The following NSMCE2 variants were observed in gnomAD, a reference collection of about 807,000 sequenced individuals.
NSMCE2 encodes NSE2 SUMO ligase component of SMC5/6 complex.
A neutral mutation model predicts 23.8 loss-of-function variants in NSMCE2; 24 were observed. The observed-to-expected ratio is 1.01, with a 90% CI of 0.73 to 1.42. The LOEUF is 1.42. Ranked by LOEUF, NSMCE2 falls within the 40% of genes most tolerant of loss-of-function variation. The pLI is 0.00. For missense variants in NSMCE2, 284 were observed against 296.5 expected (o/e 0.96, Z 0.31); for synonymous variants, 92 against 94.1 (o/e 0.98, Z 0.13).
At chr8:125,182,532 G>A (rs1471688351) in intron 5 of NSMCE2, 1 of 456,760 alleles carries the variant, frequency 2.2e-6, no homozygotes, top group Non-Finnish European at 3.8e-6. Context: ...GAGGGAAATT[G>A]GGAAAACAAA....
intron 5 of NSMCE2, among the ~76,000 whole-genome samples, chr8:125,251,975 C>T (rs184222384): frequency 4.6e-5 from 7 of 152,268 alleles, no homozygotes; most frequent in Admixed American, 3.9e-4. Flanking sequence ...GAGATTTACA[C>T]AATATCACTT....
intron 5 of NSMCE2, among the ~76,000 whole-genome samples, chr8:125,209,190 C>T (rs538796241): frequency 1.3e-5 from 2 of 152,188 alleles, no homozygotes; most frequent in African/African-American, 2.4e-5. Context: ...GGGAAATGCA[C>T]ATTTTGTTTT....
intron 1 of NSMCE2, among the ~76,000 whole-genome samples, chr8:125,092,797 G>C (rs1177901588): frequency 6.6e-6 from 1 of 152,204 alleles, no homozygotes; most frequent in African/African-American, 2.4e-5. Context: ...AAAAAGATCA[G>C]TGTTATTACC....
chr8:125,312,820 T>C (rs1473057339), intron 5 of NSMCE2, among the ~76,000 whole-genome samples: 1 of 151,790 alleles, frequency 6.6e-6, no homozygotes, highest in Non-Finnish European at 1.5e-5. Flanking sequence ...GTGGCTAGTG[T>C]GATAAAGAGT....
rs1013630315 is a variant in NSMCE2 at position 125,270,191 on chromosome 8, G to T, written c.419-87028G>T. 5.9e-5 allele frequency among the ~76,000 whole-genome samples: 9 copies of T among 152,324 alleles called. No homozygotes were observed. In the South Asian group the frequency reaches 6.2e-4, roughly 11 times the overall value. On this transcript the variant is annotated intron_variant, in intron 5 of 7. Transcript: ENST00000287437. ...TTACTAAAGAATCTGAAAGGTCCAG[G>T]TGCGGTGACTCATGCCTGTAATCCC... is the stretch of plus-strand genomic sequence containing the variant.
chr8:125,132,874 A>G (rs1819844020), intron 3 of NSMCE2, among the ~76,000 whole-genome samples: 1 of 152,212 alleles, frequency 6.6e-6, no homozygotes, highest in Admixed American at 6.5e-5. Flanking sequence ...AAGTACAGTA[A>G]CATAGAACAT....
At chr8:125,179,127 T>C (rs1365517074) in intron 4 of NSMCE2, among the ~76,000 whole-genome samples, 2 of 152,328 alleles carry the variant, frequency 1.3e-5, no homozygotes, top group African/African-American at 2.4e-5. Flanking sequence ...TAAATTAATA[T>C]ACCTAGTATC....
intron 5 of NSMCE2, among the ~76,000 whole-genome samples, chr8:125,240,368 C>G (rs1042016929): frequency 2.0e-5 from 3 of 152,164 alleles, no homozygotes; most frequent in Non-Finnish European, 4.4e-5. Flanking sequence ...CGTGATCAGC[C>G]CGCCTTGGCC....
intron 5 of NSMCE2, 22 bp from the exon 6 acceptor site, chr8:125,357,197 T>C: frequency 1.4e-6 from 2 of 1,468,922 alleles, no homozygotes; most frequent in Non-Finnish European, 9.5e-7. Flanking sequence ...GAGAGGCTTA[T>C]CAACTCTCCA....
At chr8:125,092,539 G>T (rs186324710) in intron 1 of NSMCE2, among the ~76,000 whole-genome samples, 1 of 152,356 alleles carries the variant, frequency 6.6e-6, no homozygotes, top group East Asian at 1.9e-4. Flanking sequence ...GGAGTGTGTT[G>T]TGTACATGTG....
chr8:125,234,028 A>C (rs1482387350), intron 5 of NSMCE2, among the ~76,000 whole-genome samples: 2 of 150,944 alleles, frequency 1.3e-5, no homozygotes, highest in African/African-American at 4.9e-5. Flanking sequence ...AAAAAAAAAA[A>C]AAAAAATACA....
chr8:125,169,692 A>C (rs567702394), intron 4 of NSMCE2, among the ~76,000 whole-genome samples: 1 of 151,914 alleles, frequency 6.6e-6, no homozygotes, highest in Admixed American at 6.5e-5. Flanking sequence ...TATATTTCTT[A>C]TCTGGTAGCC....
At position 125,135,607 on chromosome 8, in the gene NSMCE2, CT is replaced by C. The variant is rs577495240; in HGVS notation, c.158-15554del. 2.5e-3 allele frequency among the ~76,000 whole-genome samples: 380 copies of C among 149,588 alleles called. 2 individuals are homozygous for C. The highest frequency in any genetic ancestry group is 3.5e-3 in the Middle Eastern group (1 of 288). On this transcript the variant is annotated intron_variant, in intron 3 of 7. Coordinates refer to ENST00000287437, the MANE Select transcript of NSMCE2 (RefSeq NM_173685.4). Reference sequence around the variant, plus strand: ...TAGATCAAAGTTCAGTATTTTCCTTCTTTTTTTTTTCTTTGCATGTGGATAG... The same window carrying C: ...TAGATCAAAGTTCAGTATTTTCCTTCTTTTTTTTTCTTTGCATGTGGATAG...
chr8:125,243,396 G>A (rs1003067840), intron 5 of NSMCE2, among the ~76,000 whole-genome samples: 3 of 152,062 alleles, frequency 2.0e-5, no homozygotes, highest in Admixed American at 6.6e-5. Context: ...GCTGAAAGAT[G>A]TTCCAAAAGG....
chr8:125,251,441 A>G (rs371945266), intron 5 of NSMCE2, among the ~76,000 whole-genome samples: 3 of 152,248 alleles, frequency 2.0e-5, no homozygotes, highest in African/African-American at 7.2e-5. Context: ...AGACTTGAAT[A>G]TGATTAAATA....
In NSMCE2 at chr8:125,117,506, C is replaced by A. The variant is rs909628775; in HGVS notation, c.157+15019C>A. Among the ~76,000 whole-genome samples, 10 of 152,144 alleles carry A rather than the reference C, an allele frequency of 6.6e-5. No individual in the cohort carries two copies. In the East Asian group the frequency reaches 1.7e-3, roughly 26 times the overall value. On this transcript the variant is annotated intron_variant, in intron 3 of 7. Coordinates refer to ENST00000287437, the MANE Select transcript of NSMCE2 (RefSeq NM_173685.4). ...TACCAGTTAATGCGTTTTCTTTGTTCCATGGGGCTTTTTGCATTTATACCT... is the reference window on the plus strand; with the variant it reads ...TACCAGTTAATGCGTTTTCTTTGTTACATGGGGCTTTTTGCATTTATACCT...
intron 5 of NSMCE2, among the ~76,000 whole-genome samples, chr8:125,355,129 C>T (rs555543037): frequency 6.6e-6 from 1 of 152,314 alleles, no homozygotes; most frequent in East Asian, 1.9e-4. Context: ...CCAAGCATTT[C>T]GGATAAGGGA....
chr8:125,196,913 A>G (rs1210698767), intron 5 of NSMCE2, among the ~76,000 whole-genome samples: 1 of 152,132 alleles, frequency 6.6e-6, no homozygotes, highest in African/African-American at 2.4e-5. Context: ...ATGAGATGGT[A>G]TCTCATTGTG....
intron 4 of NSMCE2, among the ~76,000 whole-genome samples, chr8:125,156,750 T>A (rs1821337353): frequency 6.6e-6 from 1 of 152,238 alleles, no homozygotes. Context: ...AGGAACAATG[T>A]GGGTCAAAGG....
Sources: gnomAD v4.1 joint callset for allele counts (sites outside exome capture counted in the v4.1 genomes callset) on GRCh38, gnomAD v4.1.1 for gene constraint, MANE v1.5 for transcripts, NCBI Gene and HGNC (gene_info 2026-07-23, HGNC 2026-07-21) for gene names.